The following CASP6 variants were observed in gnomAD, a reference collection of about 807,000 sequenced individuals.
CASP6 encodes the protein caspase 6, also known as caspase-6.
Under a neutral mutation model 31.8 loss-of-function variants are expected in CASP6, and 20 were observed. The observed-to-expected ratio is 0.63, with a 90% CI of 0.44 to 0.91. The LOEUF (loss-of-function observed/expected upper bound fraction) is 0.91, where lower values mean the gene tolerates loss of function less well. Ranked by LOEUF, CASP6 falls within the 40% of genes least tolerant of loss-of-function variation. The pLI is 0.00. For missense variants in CASP6, 328 were observed against 361.1 expected, an observed-to-expected ratio of 0.91 and a Z score of 0.74; for synonymous variants, 130 against 127.8, an observed-to-expected ratio of 1.02 and a Z score of -0.12.
chr4:109,704,518 T>C (rs1039848696), upstream of CASP6, among the ~76,000 whole-genome samples: 6 of 152,306 alleles, frequency 3.9e-5, no homozygotes, highest in East Asian at 1.2e-3. Context: ...TCTTCAATTC[T>C]ATGGAGGCTG....
chr4:109,695,615 G>A (rs1023223703), intron 4 of CASP6, among the ~76,000 whole-genome samples: 2 of 151,862 alleles, frequency 1.3e-5, no homozygotes, highest in Admixed American at 1.3e-4. Flanking sequence ...AATTAGCTGG[G>A]CATGGGGGCG....
chr4:109,696,698 G>A (rs1321247784), intron 3 of CASP6, among the ~76,000 whole-genome samples: 2 of 151,124 alleles, frequency 1.3e-5, no homozygotes, highest in Non-Finnish European at 2.9e-5. Context: ...TTAGAGTGTT[G>A]TTGTCTACTA....
At chr4:109,677,766 T>C in the CASP6 span, among the ~76,000 whole-genome samples, 1 of 148,960 alleles carries the variant, frequency 6.7e-6, no homozygotes, top group Admixed American at 6.7e-5. Context: ...TTTCCCAGCC[T>C]CCACTAACAA....
the CASP6 span, among the ~76,000 whole-genome samples, chr4:109,670,662 G>A: frequency 2.0e-5 from 3 of 151,652 alleles, no homozygotes; most frequent in African/African-American, 7.3e-5. Context: ...GCTGCAGTGA[G>A]CCAAGATCAT....
chr4:109,687,732 C>G, downstream of CASP6: 1 of 618,366 alleles, frequency 1.6e-6, no homozygotes, highest in Non-Finnish European at 2.8e-6. Context: ...GTTTGAAGTT[C>G]TCAACTGAGA....
the CASP6 span, among the ~76,000 whole-genome samples, chr4:109,709,684 TCTTGG>T: frequency 6.6e-6 from 1 of 152,172 alleles, no homozygotes; most frequent in East Asian, 1.9e-4. Context: ...AAACTGAAGG[TCTTGG>T]CTTGTCACCT....
upstream of CASP6, among the ~76,000 whole-genome samples, chr4:109,708,102 T>A (rs1486863961): frequency 1.3e-5 from 2 of 152,202 alleles, no homozygotes; most frequent in Non-Finnish European, 2.9e-5. Flanking sequence ...ACTCATCTCA[T>A]ACTATTATTT....
upstream of CASP6, chr4:109,703,531 G>C (rs1730503145): frequency 3.5e-6 from 4 of 1,137,688 alleles, no homozygotes; most frequent in Admixed American, 1.0e-4. Flanking sequence ...GGTTCTGATT[G>C]CGCGCCGCCC....
upstream of CASP6, chr4:109,703,566 C>T: frequency 7.4e-6 from 6 of 805,986 alleles, no homozygotes; most frequent in Admixed American, 8.9e-5. Context: ...CGGGCTGGTC[C>T]TTCCCAGAGT....
At chr4:109,668,912 TA>T in the CASP6 span, among the ~76,000 whole-genome samples, 2 of 152,068 alleles carry the variant, frequency 1.3e-5, no homozygotes, top group African/African-American at 4.8e-5. Context: ...GCAAATACCT[TA>T]TAATAACAAA....
the CASP6 span, among the ~76,000 whole-genome samples, chr4:109,671,094 T>C: frequency 2.0e-5 from 3 of 152,274 alleles, no homozygotes; most frequent in Non-Finnish European, 2.9e-5. Context: ...ACCTTAGTTT[T>C]CTTATGCATC....
At chr4:109,706,176 C>CATAT (rs1561266970), upstream of CASP6, among the ~76,000 whole-genome samples, 1 of 96,214 alleles carries the variant, frequency 1.0e-5, no homozygotes, top group African/African-American at 4.7e-5. Context: ...TATATACACA[C>CATAT]ACACATATAC....
At chr4:109,706,354 G>A (rs1335315207), upstream of CASP6, among the ~76,000 whole-genome samples, 2 of 151,406 alleles carry the variant, frequency 1.3e-5, no homozygotes, top group African/African-American at 4.9e-5. Context: ...ATTGGAAGTG[G>A]GGCCTGAAAA....
chr4:109,708,444 T>A (rs60362391), upstream of CASP6, among the ~76,000 whole-genome samples: 784 of 152,354 alleles, frequency 5.1e-3, 38 homozygotes, highest in East Asian at 0.069. Flanking sequence ...TTTGGTTTCC[T>A]CATTACCTAC....
At chr4:109,697,535 G>T in intron 3 of CASP6, 87 bp downstream of exon 3, 1 of 1,459,676 alleles carries the variant, frequency 6.9e-7, no homozygotes, top group South Asian at 1.5e-5. Context: ...CCAAAGTGCT[G>T]GGATTACCAG....
At chr4:109,674,700 G>A in the CASP6 span, among the ~76,000 whole-genome samples, 1 of 152,204 alleles carries the variant, frequency 6.6e-6, no homozygotes, top group Non-Finnish European at 1.5e-5. Flanking sequence ...AATCACAATT[G>A]TAAACATGAG....
upstream of CASP6, among the ~76,000 whole-genome samples, chr4:109,704,609 T>C (rs142837863): frequency 1.9e-3 from 286 of 152,338 alleles, 2 homozygotes; most frequent in African/African-American, 6.5e-3. Flanking sequence ...AGAAACTATC[T>C]TCATGACATA....
At chr4:109,681,352 T>C in the CASP6 span, 130 of 353,282 alleles carry the variant, frequency 3.7e-4, no homozygotes, top group African/African-American at 2.5e-3. Flanking sequence ...CTAAAGTTTG[T>C]CTGTAGATTC....
At chr4:109,667,847 T>C in the CASP6 span, among the ~76,000 whole-genome samples, 1 of 151,808 alleles carries the variant, frequency 6.6e-6, no homozygotes, top group African/African-American at 2.4e-5. Context: ...TGATAAGTTG[T>C]ATTTTCATTT....
Sources: allele counts gnomAD v4.1 joint callset (sites outside exome capture counted in the v4.1 genomes callset), GRCh38; gene constraint gnomAD v4.1.1; transcripts MANE v1.5; gene names NCBI Gene and HGNC (gene_info 2026-07-23, HGNC 2026-07-21).